Variants in KCNB2 observed in about 807,000 individuals in gnomAD.
KCNB2 encodes the protein potassium voltage-gated channel subfamily B member 2, also known as delayed rectifier potassium channel protein.
In KCNB2, 15 loss-of-function variants were observed where a neutral mutation model predicts 61.5. The observed-to-expected ratio is 0.24, with a 90% confidence interval of 0.16 to 0.38. KCNB2 has a LOEUF of 0.38. Ranked by LOEUF, KCNB2 falls within the 10% of genes least tolerant of loss-of-function variation. The pLI is 1.00. For missense variants in KCNB2, 828 were observed against 1,125.2 expected, an observed-to-expected ratio of 0.74 and a Z score of 3.78; for synonymous variants, 457 against 446.0, an observed-to-expected ratio of 1.02 and a Z score of -0.31.
At chr8:72,784,515 C>A (rs1808815802) in intron 2 of KCNB2, among the ~76,000 whole-genome samples, 1 of 152,140 alleles carries the variant, frequency 6.6e-6, no homozygotes, top group Non-Finnish European at 1.5e-5. Context: ...TTCCACATGG[C>A]TGGGGAGGCC....
At chr8:72,935,846 A>T in intron 2 of KCNB2, 89 bp from the exon 3 acceptor site, 3 of 857,330 alleles carry the variant, frequency 3.5e-6, no homozygotes, top group Middle Eastern at 3.1e-4. Flanking sequence ...GGAGCATTCC[A>T]TATTAGTTAA....
At chr8:72,872,020 G>A (rs1378356116) in intron 2 of KCNB2, among the ~76,000 whole-genome samples, 1 of 152,152 alleles carries the variant, frequency 6.6e-6, no homozygotes, top group Non-Finnish European at 1.5e-5. Context: ...GATGGGACCA[G>A]TTCTTCATGC....
chr8:72,638,275 T>A (rs1013671104), intron 2 of KCNB2, among the ~76,000 whole-genome samples: 2 of 152,120 alleles, frequency 1.3e-5, no homozygotes, highest in Non-Finnish European at 2.9e-5. Context: ...TCTTTCACAT[T>A]ACAGTGCAAC....
chr8:72,660,016 T>C (rs1190690762), intron 2 of KCNB2, among the ~76,000 whole-genome samples: 6 of 152,194 alleles, frequency 3.9e-5, no homozygotes, highest in Non-Finnish European at 8.8e-5. Flanking sequence ...CCTATGACAT[T>C]CACATTTAAA....
intron 2 of KCNB2, among the ~76,000 whole-genome samples, chr8:72,700,811 A>G (rs1807108951): frequency 6.6e-6 from 1 of 152,212 alleles, no homozygotes; most frequent in African/African-American, 2.4e-5. Flanking sequence ...ACTGTTTACT[A>G]TAACAAAGAT....
intron 2 of KCNB2, among the ~76,000 whole-genome samples, chr8:72,662,086 C>T (rs1806390412): frequency 6.6e-6 from 1 of 152,160 alleles, no homozygotes; most frequent in African/African-American, 2.4e-5. Flanking sequence ...ATCCTGCTTG[C>T]TTAAAGTAAA....
At chr8:72,551,432 T>C (rs1042978649) in intron 1 of KCNB2, among the ~76,000 whole-genome samples, 11 of 152,144 alleles carry the variant, frequency 7.2e-5, no homozygotes, top group Non-Finnish European at 1.3e-4. Flanking sequence ...GTCGCCAGCA[T>C]CGTCTCAGGC....
At chr8:72,593,774 G>A (rs1017967594) in intron 2 of KCNB2, among the ~76,000 whole-genome samples, 1 of 152,122 alleles carries the variant, frequency 6.6e-6, no homozygotes, top group African/African-American at 2.4e-5. Flanking sequence ...AATTGTTAAG[G>A]CCATTTTTTA....
At chr8:72,713,143 C>T (rs563676083) in intron 2 of KCNB2, among the ~76,000 whole-genome samples, 23 of 152,324 alleles carry the variant, frequency 1.5e-4, no homozygotes, top group South Asian at 8.3e-4. Flanking sequence ...AGGCTTGAGT[C>T]GGTAAACAAA....
At chr8:72,666,279 T>G (rs1806470650) in intron 2 of KCNB2, among the ~76,000 whole-genome samples, 1 of 152,236 alleles carries the variant, frequency 6.6e-6, no homozygotes, top group Admixed American at 6.5e-5. Flanking sequence ...TCTGCCTACA[T>G]GAGCAAGCTA....
intron 2 of KCNB2, among the ~76,000 whole-genome samples, chr8:72,904,612 A>C (rs1238281336): frequency 6.6e-6 from 1 of 152,176 alleles, no homozygotes; most frequent in Non-Finnish European, 1.5e-5. Flanking sequence ...AAATTAGCTT[A>C]GGTGGTTGCC....
At chr8:72,804,732 AG>A (rs1809189601) in intron 2 of KCNB2, among the ~76,000 whole-genome samples, 2 of 152,230 alleles carry the variant, frequency 1.3e-5, no homozygotes. Flanking sequence ...TACCTCATTG[AG>A]CAAACACTAT....
At chr8:72,716,940 A>C (rs371787739) in intron 2 of KCNB2, among the ~76,000 whole-genome samples, 14 of 152,120 alleles carry the variant, frequency 9.2e-5, no homozygotes, top group Non-Finnish European at 1.6e-4. Flanking sequence ...AAATCTCCTT[A>C]AGCTGATAAG....
chr8:72,893,200 T>G (rs1805930265), intron 2 of KCNB2, among the ~76,000 whole-genome samples: 1 of 152,160 alleles, frequency 6.6e-6, no homozygotes, highest in Non-Finnish European at 1.5e-5. Flanking sequence ...GCCCTGATAT[T>G]TATTCTGCTT....
intron 2 of KCNB2, among the ~76,000 whole-genome samples, chr8:72,786,053 C>T (rs548870104): frequency 9.9e-5 from 13 of 131,188 alleles, no homozygotes; most frequent in South Asian, 7.9e-4. Context: ...AACCCAAAAA[C>T]GAAAAAAAAA....
intron 2 of KCNB2, among the ~76,000 whole-genome samples, chr8:72,844,844 T>C (rs2129002880): frequency 6.6e-6 from 1 of 152,344 alleles, no homozygotes; most frequent in East Asian, 1.9e-4. Context: ...TTCTCCAACC[T>C]TTTTTAAGGT....
intron 2 of KCNB2, among the ~76,000 whole-genome samples, chr8:72,722,046 C>A (rs937481379): frequency 4.6e-5 from 7 of 152,194 alleles, no homozygotes; most frequent in African/African-American, 7.2e-5. Context: ...AGCTGGGAAC[C>A]CCAGGATCCT....
At chr8:72,685,442 A>G (rs565122987) in intron 2 of KCNB2, among the ~76,000 whole-genome samples, 2 of 152,252 alleles carry the variant, frequency 1.3e-5, no homozygotes, top group South Asian at 4.1e-4. Flanking sequence ...ACCATGTTGA[A>G]TCGTACCAAC....
intron 2 of KCNB2, among the ~76,000 whole-genome samples, chr8:72,679,315 A>C (rs920785994): frequency 6.6e-6 from 1 of 152,230 alleles, no homozygotes; most frequent in Non-Finnish European, 1.5e-5. Context: ...AGACTCACAT[A>C]AGGCAAGTAT....
Sources: allele counts gnomAD v4.1 joint callset (sites outside exome capture counted in the v4.1 genomes callset), GRCh38; gene constraint gnomAD v4.1.1; transcripts MANE v1.5; gene names NCBI Gene and HGNC (gene_info 2026-07-23, HGNC 2026-07-21).